The following PAX5 variants were observed in gnomAD, a reference collection of about 807,000 sequenced individuals.
The protein encoded by PAX5 is paired box 5, also known as paired box protein Pax-5.
PAX5 carries 9 observed loss-of-function variants against 43.7 expected under a neutral mutation model. The observed-to-expected ratio is 0.21, with a 90% CI of 0.12 to 0.36. The LOEUF is 0.36. PAX5 is among the 10% of genes least tolerant of loss of function. The pLI, the probability that PAX5 is intolerant of heterozygous loss-of-function variation, is 1.00. For missense variants in PAX5, 383 were observed against 532.7 expected (o/e 0.72, Z 2.77); for synonymous variants, 228 against 214.3 (o/e 1.06, Z -0.56).
chr9:36,967,188 C>T (rs926275409), intron 5 of PAX5, among the ~76,000 whole-genome samples: 1 of 152,184 alleles, frequency 6.6e-6, no homozygotes, highest in Admixed American at 6.5e-5. Context: ...TTTGCTACCA[C>T]ATCATGTGAC....
At chr9:36,949,483 G>A (rs1832827478) in intron 6 of PAX5, among the ~76,000 whole-genome samples, 1 of 152,228 alleles carries the variant, frequency 6.6e-6, no homozygotes, top group Admixed American at 6.5e-5. Context: ...GTATTTGTTT[G>A]AGATGTGATA....
chr9:36,924,860 A>AGGAGGAGGGAG (rs1830527602), intron 6 of PAX5, among the ~76,000 whole-genome samples: 1 of 150,312 alleles, frequency 6.7e-6, no homozygotes, highest in Non-Finnish European at 1.5e-5. Context: ...GGAGGAGGGA[A>AGGAGGAGGGAG]TTTGCAAACA....
chr9:36,974,493 G>T (rs1464050809), intron 5 of PAX5, among the ~76,000 whole-genome samples: 1 of 152,126 alleles, frequency 6.6e-6, no homozygotes, highest in Non-Finnish European at 1.5e-5. Context: ...CAGAGGCTCA[G>T]AGAGCTTGAG....
At chr9:36,911,179 G>A (rs762614842) in intron 7 of PAX5, among the ~76,000 whole-genome samples, 4 of 152,164 alleles carry the variant, frequency 2.6e-5, no homozygotes, top group African/African-American at 4.8e-5. Context: ...TGTGTTTACT[G>A]TAAATTGCCT....
intron 5 of PAX5, among the ~76,000 whole-genome samples, chr9:36,973,105 GAA>G (rs1835084361): frequency 1.2e-5 from 1 of 85,206 alleles, no homozygotes; most frequent in African/African-American, 5.3e-5. Flanking sequence ...GAAAGGAAAG[GAA>G]AGGAAAGGAA....
chr9:36,852,215 G>C (rs1285711433), intron 8 of PAX5, among the ~76,000 whole-genome samples: 1 of 152,164 alleles, frequency 6.6e-6, no homozygotes, highest in Non-Finnish European at 1.5e-5. Flanking sequence ...CAAGCCCTCT[G>C]ATCCCAGCTC....
intron 8 of PAX5, among the ~76,000 whole-genome samples, chr9:36,868,063 C>T (rs914067952): frequency 2.0e-5 from 3 of 152,004 alleles, no homozygotes; most frequent in Non-Finnish European, 2.9e-5. Flanking sequence ...GCAAGTCCCC[C>T]GAGAGGGGAA....
At chr9:36,923,314 C>T (rs1830333281) in intron 7 of PAX5, 41 bp downstream of exon 7, 2 of 1,589,648 alleles carry the variant, frequency 1.3e-6, no homozygotes, top group African/African-American at 1.3e-5. Flanking sequence ...CTATCTCTCT[C>T]TCTCTCCCTC....
chr9:36,925,360 G>A (rs954329481), intron 6 of PAX5, among the ~76,000 whole-genome samples: 1 of 152,198 alleles, frequency 6.6e-6, no homozygotes, highest in African/African-American at 2.4e-5. Context: ...CCTTCTAAGG[G>A]AGAAGAACAA....
At chr9:36,902,839 C>G (rs1828521523) in intron 7 of PAX5, among the ~76,000 whole-genome samples, 1 of 152,250 alleles carries the variant, frequency 6.6e-6, no homozygotes, top group Non-Finnish European at 1.5e-5. Flanking sequence ...TTTTGAGCAA[C>G]TATAACATTC....
chr9:36,932,650 G>C (rs910714809), intron 6 of PAX5, among the ~76,000 whole-genome samples: 6 of 152,202 alleles, frequency 3.9e-5, no homozygotes, highest in African/African-American at 1.4e-4. Flanking sequence ...TGTGGTGATA[G>C]TTGCATAACT....
intron 6 of PAX5, among the ~76,000 whole-genome samples, chr9:36,941,067 A>G (rs867069971): frequency 6.6e-6 from 1 of 152,140 alleles, no homozygotes; most frequent in Non-Finnish European, 1.5e-5. Flanking sequence ...GCTAAACCAT[A>G]TTGGAAGGCA....
intron 6 of PAX5, among the ~76,000 whole-genome samples, chr9:36,962,491 G>A (rs1355342592): frequency 6.6e-6 from 1 of 152,206 alleles, no homozygotes; most frequent in East Asian, 1.9e-4. Flanking sequence ...TTTGCCTCGG[G>A]GGTCCAATGA....
chr9:36,981,666 G>A (rs1835958400), intron 5 of PAX5, among the ~76,000 whole-genome samples: 1 of 152,224 alleles, frequency 6.6e-6, no homozygotes, highest in Admixed American at 6.5e-5. Flanking sequence ...ACCACATCAG[G>A]AGCCAGTAAA....
intron 7 of PAX5, among the ~76,000 whole-genome samples, chr9:36,906,400 G>A (rs1336931090): frequency 2.0e-5 from 3 of 152,154 alleles, no homozygotes; most frequent in Non-Finnish European, 4.4e-5. Flanking sequence ...ATGCTACTCT[G>A]CTGGCTTTGA....
intron 6 of PAX5, among the ~76,000 whole-genome samples, chr9:36,941,515 T>C (rs1366289459): frequency 6.6e-6 from 1 of 152,118 alleles, no homozygotes; most frequent in East Asian, 1.9e-4. Flanking sequence ...GCTCATGCCC[T>C]GGAGGTCAAG....
intron 3 of PAX5, among the ~76,000 whole-genome samples, chr9:37,007,292 A>G (rs903691263): frequency 6.6e-6 from 1 of 152,238 alleles, no homozygotes; most frequent in Admixed American, 6.5e-5. Flanking sequence ...GACCTCCGAT[A>G]CAATGACGGA....
intron 7 of PAX5, among the ~76,000 whole-genome samples, chr9:36,895,208 C>T (rs905513769): frequency 2.0e-5 from 3 of 152,238 alleles, no homozygotes; most frequent in Non-Finnish European, 2.9e-5. Context: ...GGCCTGTGCA[C>T]AAAGGTGGAG....
At position 37,034,140 on chromosome 9, in the gene PAX5, G is replaced by T. The variant is rs1353479769; in HGVS notation, c.-109C>A. On this transcript the variant is annotated 5_prime_UTR_variant, in exon 1 of 10. Coordinates refer to ENST00000358127, the MANE Select transcript of PAX5 (RefSeq NM_016734.3). ...TTTTTTTTTTTTGGTGCCAGGGGCC[G>T]CTCACAGGTCGGAATAATTCAAGCC... 7 of 609,566 alleles carry T rather than the reference G, an allele frequency of 1.1e-5. No individual in the cohort carries two copies. The highest frequency in any genetic ancestry group is 1.9e-5 in the Non-Finnish European group (7 of 374,470). 37.8% of individuals were successfully genotyped at this position (609,566 alleles called of 1,614,324 possible).
Sources: gnomAD v4.1 joint callset for allele counts (sites outside exome capture counted in the v4.1 genomes callset) on GRCh38, gnomAD v4.1.1 for gene constraint, MANE v1.5 for transcripts, NCBI Gene and HGNC (gene_info 2026-07-23, HGNC 2026-07-21) for gene names.